USO1: variants seen among roughly 807,000 people sequenced by gnomAD.
USO1 encodes USO1 vesicle transport factor, also known as general vesicular transport factor p115.
Under a neutral mutation model 124.5 loss-of-function variants are expected in USO1, and 57 were observed. The ratio of observed to expected loss-of-function variants is 0.46; its 90% CI spans 0.37 to 0.57. The LOEUF (loss-of-function observed/expected upper bound fraction) is 0.57. USO1 is among the 20% of genes least tolerant of loss of function. The probability of loss-of-function intolerance (pLI) is 0.00; values close to 1 mark genes in which losing one functional copy is unlikely to be tolerated. For synonymous variants in USO1, 369 were observed against 362.8 expected (o/e 1.02, Z -0.19); for missense variants, 900 against 1,040.6 (o/e 0.86, Z 1.86).
chr4:75,751,674 T>C (rs1157860215), intron 1 of USO1, among the ~76,000 whole-genome samples: 1 of 151,192 alleles, frequency 6.6e-6, no homozygotes, highest in Non-Finnish European at 1.5e-5. Flanking sequence ...CTACTAAAAA[T>C]ACTAAAATTA....
At chr4:75,781,530 A>G (rs1003514896) in intron 8 of USO1, among the ~76,000 whole-genome samples, 2 of 152,200 alleles carry the variant, frequency 1.3e-5, no homozygotes, top group African/African-American at 4.8e-5. Flanking sequence ...AAATTAAGTT[A>G]TGTACATTCT....
At chr4:75,726,265 G>A (rs1232476802) in intron 1 of USO1, among the ~76,000 whole-genome samples, 2 of 129,074 alleles carry the variant, frequency 1.5e-5, no homozygotes, top group African/African-American at 6.2e-5. Context: ...TGGGCAACAA[G>A]AGCGAAACTC....
chr4:75,792,829 C>G (rs913410643), intron 12 of USO1, among the ~76,000 whole-genome samples: 1 of 152,132 alleles, frequency 6.6e-6, no homozygotes, highest in African/African-American at 2.4e-5. Flanking sequence ...CCTCTAACTT[C>G]CCACTACCCT....
chr4:75,770,237 C>T, intron 4 of USO1: 1 of 356,382 alleles, frequency 2.8e-6, no homozygotes, highest in Non-Finnish European at 4.8e-6. Context: ...AACATTTAGC[C>T]AATAAAATGT....
At chr4:75,799,580 A>T in intron 13 of USO1, 42 bp from the exon 14 acceptor site, 1 of 1,604,700 alleles carries the variant, frequency 6.2e-7, no homozygotes, top group Non-Finnish European at 8.5e-7. Flanking sequence ...TTTGAAAAAT[A>T]TAAAATGAAT....
intron 4 of USO1, among the ~76,000 whole-genome samples, chr4:75,766,228 T>A (rs960778666): frequency 1.3e-5 from 2 of 152,230 alleles, no homozygotes; most frequent in Non-Finnish European, 2.9e-5. Flanking sequence ...GATATACTTT[T>A]TCTTATGTCT....
chr4:75,761,720 T>G (rs1001622338), intron 4 of USO1, among the ~76,000 whole-genome samples: 1 of 152,194 alleles, frequency 6.6e-6, no homozygotes, highest in Non-Finnish European at 1.5e-5. Context: ...TTTTTTGGTT[T>G]GTTTTGTTTT....
intron 20 of USO1, 85 bp downstream of exon 20, chr4:75,806,657 C>A: frequency 6.8e-7 from 1 of 1,470,394 alleles, no homozygotes; most frequent in Non-Finnish European, 9.0e-7. Context: ...AAATCTAGAA[C>A]TATATTAGCA....
chr4:75,764,257 GT>G (rs1418187930), intron 4 of USO1, among the ~76,000 whole-genome samples: 2 of 152,056 alleles, frequency 1.3e-5, no homozygotes, highest in Non-Finnish European at 2.9e-5. Flanking sequence ...ACTTTTTCTG[GT>G]ATTAGACCTG....
chr4:75,806,513 G>C lies in USO1; in HGVS notation c.2317G>C (p.Glu773Gln). Residue 773 changes from glutamate to glutamine, a missense_variant, in exon 20 of 24, where the codon GAA (glutamate) becomes CAA (glutamine). By Grantham distance (29) the Glu-to-Gln change is conservative. This residue lies in a region of USO1 where 362 missense variants were observed against 359.0 expected (regional missense o/e 1.01). Transcript: ENST00000514213. ...ATCTTCCCAAACATCTGGCACAAAT[G>C]AACAGTCTTCAGCAATAGTTTCAGC... Reference protein sequence around the residue: ...MKSSQTSGTNEQSSAIVSARD... With the variant: ...MKSSQTSGTNQQSSAIVSARD... 6.4e-7 allele frequency: 1 copy of C among 1,561,612 alleles called. No homozygotes were observed. The highest frequency in any genetic ancestry group is 1.9e-5 in the Admixed American group (1 of 52,384).
In USO1 at chr4:75,793,758, A is replaced by G. The variant is rs1370133592; in HGVS notation, c.1309A>G (p.Asn437Asp). ...TTTGTTTTCTACTGATTCACTTTCA[A>G]ACTGGTGTGCTGCTGTGGCCCTTGC... is the stretch of plus-strand genomic sequence containing the variant. ...GGLFSTDSLS[N>D]WCAAVALAHA... The change falls in exon 13 of 24, where the codon AAC (asparagine) becomes GAC (aspartate). Residue 437 changes from asparagine (N) to aspartate (D), a missense_variant. By Grantham distance (23) the Asn-to-Asp change is conservative (BLOSUM62 1). This residue lies in a region of USO1 where 538 missense variants were observed against 681.6 expected (regional missense o/e 0.79). Transcript: ENST00000514213. 1 of 1,613,734 alleles carries G rather than the reference A, an allele frequency of 6.2e-7. No homozygotes were observed. Among genetic ancestry groups the G allele is most frequent in the Non-Finnish European group, 8.5e-7 (1 of 1,179,796 alleles).
intron 1 of USO1, among the ~76,000 whole-genome samples, chr4:75,750,186 C>T: frequency 6.6e-6 from 1 of 152,278 alleles, no homozygotes; most frequent in Non-Finnish European, 1.5e-5. Flanking sequence ...GTAATCCCAG[C>T]ACTTTGGGAG....
intron 1 of USO1, among the ~76,000 whole-genome samples, chr4:75,727,897 G>A (rs2149134702): frequency 6.6e-6 from 1 of 152,058 alleles, no homozygotes; most frequent in Admixed American, 6.6e-5. Context: ...TTTCCTTTCT[G>A]AGCTACCTTT....
In USO1 at chr4:75,799,637, A is replaced by T; in HGVS notation, c.1468A>T (p.Thr490Ser). The change falls in exon 14 of 24, where the codon ACA (threonine) becomes TCA (serine). Residue 490 changes from threonine (T) to serine (S), a missense_variant. Physicochemically the swap from Thr to Ser is moderately conservative, Grantham distance 58 (BLOSUM62 1). Transcript: ENST00000514213. Reference sequence around the variant, plus strand: ...TCTGTTGCAGGGAAGCAAAATACAAACAAGAGTTGGATTATTAATGTTGCT... The same window carrying T: ...TCTGTTGCAGGGAAGCAAAATACAATCAAGAGTTGGATTATTAATGTTGCT... Reference protein sequence around the residue: ...NILSQGSKIQTRVGLLMLLCT... With the variant: ...NILSQGSKIQSRVGLLMLLCT... 1 of 1,613,514 alleles carries T rather than the reference A, an allele frequency of 6.2e-7. No homozygotes were observed. The highest frequency in any genetic ancestry group is 8.5e-7 in the Non-Finnish European group (1 of 1,179,718).
At chr4:75,802,112 G>A (rs773943117) in intron 17 of USO1, among the ~76,000 whole-genome samples, 5 of 152,170 alleles carry the variant, frequency 3.3e-5, no homozygotes, top group Non-Finnish European at 7.4e-5. Context: ...ATAAGCCAGC[G>A]CGCCCAGCCT....
chr4:75,810,150 G>C (rs759407420), intron 21 of USO1, among the ~76,000 whole-genome samples: 1 of 152,188 alleles, frequency 6.6e-6, no homozygotes, highest in Non-Finnish European at 1.5e-5. Context: ...CTGGGTTACA[G>C]TTACATTAGA....
rs2089951 is a variant in USO1 at position 75,793,427 on chromosome 4, G to A, written c.1241-263G>A. Reference sequence around the variant, plus strand: ...TCCAAAGTGCGAGAATTACAGGCGTGAGCCACCATGCCCAGCCTCCACCTG... The same window carrying A: ...TCCAAAGTGCGAGAATTACAGGCGTAAGCCACCATGCCCAGCCTCCACCTG... On this transcript the variant is annotated intron_variant, in intron 12 of 23. Coordinates refer to ENST00000514213, the MANE Select transcript of USO1 (RefSeq NM_003715.4). Among the ~76,000 whole-genome samples the A allele has an allele frequency of 5.9e-3, 897 of 151,964 alleles. 14 individuals carry two copies. The highest frequency in any genetic ancestry group is 0.02 in the African/African-American group (850 of 41,464).
chr4:75,767,450 G>A (rs1721796242), intron 4 of USO1: 2 of 446,838 alleles, frequency 4.5e-6, no homozygotes, highest in East Asian at 7.3e-5. Context: ...TCTTTTAAAA[G>A]TTTGTAACTC....
intron 1 of USO1, among the ~76,000 whole-genome samples, chr4:75,734,165 C>T (rs749810094): frequency 6.6e-6 from 1 of 152,022 alleles, no homozygotes; most frequent in Non-Finnish European, 1.5e-5. Flanking sequence ...AGGATGGTCT[C>T]GATCTCCTGA....
Sources: gnomAD v4.1 joint callset for allele counts (sites outside exome capture counted in the v4.1 genomes callset) on GRCh38, gnomAD v4.1.1 for gene constraint, gnomAD v4.1.1 regional missense constraint, MANE v1.5 for transcripts, NCBI Gene and HGNC (gene_info 2026-07-23, HGNC 2026-07-21) for gene names.